FAM163B: variants seen among roughly 807,000 people sequenced by gnomAD.
The protein encoded by FAM163B is protein FAM163B.
Under a neutral mutation model 7.6 loss-of-function variants are expected in FAM163B, and 4 were observed. The ratio of observed to expected loss-of-function variants is 0.52; its 90% CI spans 0.26 to 1.20. The LOEUF is 1.20. FAM163B is among the 50% of genes most tolerant of loss of function. The pLI, the probability that FAM163B is intolerant of heterozygous loss-of-function variation, is 0.14. For synonymous variants in FAM163B, 120 were observed against 111.6 expected (o/e 1.07, Z -0.47); for missense variants, 250 against 243.0 (o/e 1.03, Z -0.19).
At chr9:133,583,617 G>T (rs904220961) in intron 1 of FAM163B, among the ~76,000 whole-genome samples, 4 of 152,150 alleles carry the variant, frequency 2.6e-5, no homozygotes, top group African/African-American at 4.8e-5. Flanking sequence ...AGCTGGCCCC[G>T]CTCGCCGCAA....
intron 1 of FAM163B, among the ~76,000 whole-genome samples, chr9:133,607,186 G>C (rs879586483): frequency 3.5e-4 from 54 of 152,240 alleles, no homozygotes; most frequent in African/African-American, 1.0e-3. Context: ...TGGCTCAGAG[G>C]GGGGACATGA....
chr9:133,596,302 C>G (rs1010574688), intron 1 of FAM163B, among the ~76,000 whole-genome samples: 2 of 150,666 alleles, frequency 1.3e-5, no homozygotes, highest in South Asian at 4.2e-4. Flanking sequence ...GTGGCTGCCA[C>G]TTGAATCTGG....
Position 133,585,113 on chromosome 9 carries a change from C to T in FAM163B, c.-23-4867G>A, listed in dbSNP as rs1002996187. On this transcript the variant is annotated intron_variant, in intron 1 of 2. Coordinates refer to ENST00000673969, the MANE Select transcript of FAM163B (RefSeq NM_001080515.3). The stretch of plus-strand genomic sequence containing the variant: ...GGGGGCCTGGGCGGGCAACAGTCCC[C>T]TTCTGAGGGCCCCATCTCGTCTCTG... 9.2e-5 allele frequency among the ~76,000 whole-genome samples: 14 copies of T among 152,372 alleles called. No homozygotes were observed. In the East Asian group the frequency reaches 2.5e-3, roughly 27 times the overall value.
intron 1 of FAM163B, among the ~76,000 whole-genome samples, chr9:133,605,506 G>A (rs995076860): frequency 6.6e-6 from 1 of 151,530 alleles, no homozygotes. Flanking sequence ...TTCCACCTCT[G>A]CCACCTGGGA....
In FAM163B at chr9:133,597,126, A is replaced by T. The variant is rs201735765; in HGVS notation, c.-24+11951T>A. 4.6e-5 allele frequency among the ~76,000 whole-genome samples: 7 copies of T among 152,368 alleles called. No homozygotes were observed. In the South Asian group the frequency reaches 1.0e-3, roughly 23 times the overall value. ...CTGGCATGGAAAGAAGCAGAAAAAT[A>T]CAAACCACAGTGAACAGAAAATCAA... On this transcript the variant is annotated intron_variant, in intron 1 of 2. Transcript: ENST00000673969.
At chr9:133,590,704 C>T (rs1015629033) in intron 1 of FAM163B, among the ~76,000 whole-genome samples, 2 of 152,168 alleles carry the variant, frequency 1.3e-5, no homozygotes, top group African/African-American at 2.4e-5. Context: ...AGGAGAGCCC[C>T]GAGAGCCAGT....
At chr9:133,605,198 G>T (rs1831775300) in intron 1 of FAM163B, among the ~76,000 whole-genome samples, 1 of 152,242 alleles carries the variant, frequency 6.6e-6, no homozygotes, top group Non-Finnish European at 1.5e-5. Context: ...CTCCCAGTCT[G>T]CTGGCTGGGA....
chr9:133,603,184 C>T lies in FAM163B; in HGVS notation c.-24+5893G>A, dbSNP rs185588676. Among the ~76,000 whole-genome samples the T allele has an allele frequency of 2.7e-4, 41 of 152,334 alleles. 1 individual carries two copies. In the South Asian group the frequency reaches 6.0e-3, roughly 22 times the overall value. ...GGAGGACTTGAAAACAGGATGTAAA[C>T]ATGACATTTCAAACACAAAGGTGAG... On this transcript the variant is annotated intron_variant, in intron 1 of 2. Transcript: ENST00000673969.
At chr9:133,589,174 G>T in intron 1 of FAM163B, among the ~76,000 whole-genome samples, 1 of 152,114 alleles carries the variant, frequency 6.6e-6, no homozygotes, top group East Asian at 1.9e-4. Context: ...TTCCTGAACC[G>T]TAAGTCTGAA....
At chr9:133,598,362 A>G (rs1831661253) in intron 1 of FAM163B, among the ~76,000 whole-genome samples, 2 of 151,890 alleles carry the variant, frequency 1.3e-5, no homozygotes. Flanking sequence ...AACCGTATGC[A>G]TCCTTACCCA....
chr9:133,596,934 G>A (rs1057409124), intron 1 of FAM163B, among the ~76,000 whole-genome samples: 2 of 152,230 alleles, frequency 1.3e-5, no homozygotes, highest in African/African-American at 2.4e-5. Context: ...ATGAAGCACT[G>A]GGTAGAGCTG....
rs530262916 is a variant in FAM163B, at chr9:133,609,093, C to T, written c.-40G>A. On this transcript the variant is annotated 5_prime_UTR_variant, in exon 1 of 3. Coordinates refer to ENST00000673969, the MANE Select transcript of FAM163B (RefSeq NM_001080515.3). ...GGCCCTTACCTTGAAGCATGGGAAC[C>T]GCGCTGCCCCGGCCGCGAGGACTTG... is the stretch of plus-strand genomic sequence containing the variant. Among the ~76,000 whole-genome samples the T allele has an allele frequency of 1.3e-3, 191 of 152,296 alleles. No individual in the cohort carries two copies. Among genetic ancestry groups the T allele is most frequent in the African/African-American group, 4.3e-3 (178 of 41,582 alleles).
Position 133,578,970 on chromosome 9 carries a change from C to G in FAM163B, c.*52G>C. 1.4e-6 allele frequency: 2 copies of G among 1,446,770 alleles called. No homozygotes were observed. Among genetic ancestry groups the G allele is most frequent in the Non-Finnish European group, 1.8e-6 (2 of 1,101,518 alleles). The allele number at this position is 1,446,770 out of a possible 1,614,324, so 89.6% of individuals were successfully genotyped here. Reference sequence around the variant, plus strand: ...GGCCAGGTGGGTGTGCCAAAGGAATCCCCCCATTGTCTCAGGACCTTCAAG... The same window carrying G: ...GGCCAGGTGGGTGTGCCAAAGGAATGCCCCCATTGTCTCAGGACCTTCAAG... On this transcript the variant is annotated 3_prime_UTR_variant, in exon 3 of 3. Coordinates refer to ENST00000673969, the MANE Select transcript of FAM163B (RefSeq NM_001080515.3).
chr9:133,577,208 T>C lies in FAM163B; in HGVS notation c.*1814A>G, dbSNP rs982517067. Among the ~76,000 whole-genome samples, 1 of 152,082 alleles carries C rather than the reference T, an allele frequency of 6.6e-6. No individual in the cohort carries two copies. The highest frequency in any genetic ancestry group is 1.5e-5 in the Non-Finnish European group (1 of 68,008). ...ACTTCGTTTCAAAGAGATCTACATATCTACAGAGAGGATGGAGACCAGAAA... is the reference window on the plus strand; with the variant it reads ...ACTTCGTTTCAAAGAGATCTACATACCTACAGAGAGGATGGAGACCAGAAA... On this transcript the variant is annotated 3_prime_UTR_variant, in exon 3 of 3. Transcript: ENST00000673969.
intron 1 of FAM163B, among the ~76,000 whole-genome samples, chr9:133,581,199 C>A (rs11531920): frequency 6.6e-6 from 1 of 152,122 alleles, no homozygotes; most frequent in Admixed American, 6.5e-5. Context: ...TCAAAGCACC[C>A]GGCTGGGAGC....
intron 1 of FAM163B, among the ~76,000 whole-genome samples, chr9:133,593,079 G>A: frequency 6.6e-6 from 1 of 152,348 alleles, no homozygotes; most frequent in East Asian, 1.9e-4. Context: ...CGGGTCAGCA[G>A]GAAGCAGAGC....
rs1424095717 is a variant in FAM163B, at chr9:133,608,826, C to T, written c.-24+251G>A. 2.6e-5 allele frequency among the ~76,000 whole-genome samples: 4 copies of T among 152,260 alleles called. No individual in the cohort carries two copies. The South Asian group carries it at 6.2e-4, about 24-fold the overall frequency. ...ACTGTTCCGAGGGAAATGAAGCCCC[C>T]CTTCCTAAAGTGGGTCCCCCACCTC... is the stretch of plus-strand genomic sequence containing the variant. On this transcript the variant is annotated intron_variant, in intron 1 of 2. Transcript: ENST00000673969.
Position 133,580,391 on chromosome 9 carries a change from C to T in FAM163B, c.-23-145G>A, listed in dbSNP as rs368827152. On this transcript the variant is annotated intron_variant, in intron 1 of 2. Transcript: ENST00000673969. ...TGAGAGGCAGGGGCTCTGCCGGGGA[C>T]GGGGTGCAGCAGGAGCCCAGGTCCT... 2.1e-3 allele frequency: 1,393 copies of T among 668,536 alleles called. 12 individuals are homozygous for T. The African/African-American group carries it at 0.022, about 11-fold the overall frequency. 41.4% of individuals were successfully genotyped at this position (668,536 alleles called of 1,614,324 possible).
At chr9:133,588,696 G>GTCGATGGATCTAGCATA (rs1588326116) in intron 1 of FAM163B, among the ~76,000 whole-genome samples, 1 of 5,168 alleles carries the variant, frequency 1.9e-4, no homozygotes, top group Non-Finnish European at 4.7e-4. Context: ...GATCTAGCAT[G>GTCGATGGATCTAGCATA]CTGAGGGATC....
Sources: allele counts gnomAD v4.1 joint callset (sites outside exome capture counted in the v4.1 genomes callset), GRCh38; gene constraint gnomAD v4.1.1; transcripts MANE v1.5; gene names NCBI Gene and HGNC (gene_info 2026-07-23, HGNC 2026-07-21).